EFNB2: variants seen among roughly 807,000 people sequenced by gnomAD.
The protein encoded by EFNB2 is ephrin-B2.
Under a neutral mutation model 32.1 loss-of-function variants are expected in EFNB2, and 5 were observed. That is an observed-to-expected ratio of 0.16 (90% confidence interval 0.08 to 0.33). EFNB2 has a LOEUF of 0.33. Among genes scored for constraint, EFNB2 ranks in the 10% least tolerant of loss-of-function variants. The pLI is 1.00. For missense variants in EFNB2, 263 were observed against 422.6 expected, an observed-to-expected ratio of 0.62 and a Z score of 3.31; for synonymous variants, 168 against 166.5, an observed-to-expected ratio of 1.01 and a Z score of -0.07.
intron 1 of EFNB2, among the ~76,000 whole-genome samples, chr13:106,525,141 G>A (rs887448677): frequency 2.0e-5 from 3 of 152,126 alleles, no homozygotes; most frequent in African/African-American, 7.2e-5. Context: ...TACATTAAAT[G>A]TTGACCAAAA....
Position 106,491,392 on chromosome 13 carries a change from T to A in EFNB2, c.*1648A>T, listed in dbSNP as rs1878401072. On this transcript the variant is annotated 3_prime_UTR_variant, in exon 5 of 5. Transcript: ENST00000646441. ...CAGAAGTAGCTGTCCAATTTGTTTT[T>A]TTAAGCGCTGAGCATTGGGACCACT... 1 of 152,650 alleles carries A rather than the reference T, an allele frequency of 6.6e-6. No homozygotes were observed. Among genetic ancestry groups the A allele is most frequent in the African/African-American group, 2.4e-5 (1 of 41,444 alleles). 9.5% of individuals were successfully genotyped at this position (152,650 alleles called of 1,614,324 possible).
intron 1 of EFNB2, among the ~76,000 whole-genome samples, chr13:106,527,629 T>C (rs1290950711): frequency 6.6e-6 from 1 of 152,252 alleles, no homozygotes; most frequent in African/African-American, 2.4e-5. Context: ...AATATGTTAA[T>C]AATCTAGAGC....
chr13:106,493,108 C>G lies in EFNB2; in HGVS notation c.934G>C (p.Gly312Arg). 6.2e-7 allele frequency: 1 copy of G among 1,613,950 alleles called. No homozygotes were observed. Among genetic ancestry groups the G allele is most frequent in the Non-Finnish European group, 8.5e-7 (1 of 1,180,020 alleles). The change falls in exon 5 of 5, where the codon GGG becomes CGG. Residue 312 changes from glycine (G) to arginine (R), a missense_variant. Gly to Arg is a moderately radical substitution (Grantham distance 125, BLOSUM62 -2). Around this residue, in one of 3 missense-constraint regions of EFNB2, gnomAD observed 172 missense variants for 237.1 expected, o/e 0.73. Coordinates refer to ENST00000646441, the MANE Select transcript of EFNB2 (RefSeq NM_004093.4). This position sits in a 1 kb window ranked among gnomAD's most constrained non-coding sequence, Gnocchi z 6.1. ...TCCTGGACGATGTACACCGGGTGCCCGTAGTCCCCGCTGACCTTCTCGTAG... is the reference window on the plus strand; with the variant it reads ...TCCTGGACGATGTACACCGGGTGCCGGTAGTCCCCGCTGACCTTCTCGTAG... ...PHYEKVSGDY[G>R]HPVYIVQEMP...
intron 2 of EFNB2, among the ~76,000 whole-genome samples, chr13:106,497,431 A>G (rs113461672): frequency 7.3e-5 from 11 of 151,194 alleles, no homozygotes; most frequent in African/African-American, 2.7e-4. Flanking sequence ...CAAACATTGT[A>G]GACCATTAAG....
In EFNB2 at chr13:106,535,325, A is replaced by G; in HGVS notation, c.-361T>C. 1 of 150,898 alleles carries G rather than the reference A, an allele frequency of 6.6e-6. No homozygotes were observed. The highest frequency in any genetic ancestry group is 1.5e-5 in the Non-Finnish European group (1 of 67,758). 9.3% of individuals were successfully genotyped at this position (150,898 alleles called of 1,614,324 possible). A position where few individuals can be genotyped will look rare whatever the true frequency, so the allele number is the denominator to read the frequency against. On this transcript the variant is annotated 5_prime_UTR_variant, in exon 1 of 5. Transcript: ENST00000646441. ...TGCGGGCTGGGACACAAAGACCCGGAGCGGAGACGACCGGCGCGGGCGGCG... is the reference window on the plus strand; with the variant it reads ...TGCGGGCTGGGACACAAAGACCCGGGGCGGAGACGACCGGCGCGGGCGGCG...
At chr13:106,522,234 A>G (rs2138935173) in intron 1 of EFNB2, among the ~76,000 whole-genome samples, 1 of 152,282 alleles carries the variant, frequency 6.6e-6, no homozygotes, top group East Asian at 1.9e-4. Context: ...CGCCAGCTCC[A>G]TTACTAAAAG....
At chr13:106,508,627 T>A (rs767261719) in intron 2 of EFNB2, among the ~76,000 whole-genome samples, 7 of 152,232 alleles carry the variant, frequency 4.6e-5, no homozygotes, top group Non-Finnish European at 5.9e-5. Context: ...TATGTCTTGA[T>A]ACTTGATAAG....
In EFNB2 at chr13:106,535,223, C is replaced by G. The variant is rs1021683790; in HGVS notation, c.-259G>C. ...CGGGGTTCCGGGGCGCCGCGCCGGA[C>G]GCAGCTCGGACGGCCGACTCCCGTG... On this transcript the variant is annotated 5_prime_UTR_variant, in exon 1 of 5. Transcript: ENST00000646441. 2.6e-5 allele frequency: 4 copies of G among 154,382 alleles called. No homozygotes were observed. The highest frequency in any genetic ancestry group is 9.8e-5 in the African/African-American group (4 of 40,988). The allele number at this position is 154,382 out of a possible 1,614,324, so 9.6% of individuals were successfully genotyped here. A position where few individuals can be genotyped will look rare whatever the true frequency, so the allele number is the denominator to read the frequency against.
intron 2 of EFNB2, among the ~76,000 whole-genome samples, chr13:106,509,157 C>T (rs1347772350): frequency 6.6e-6 from 1 of 152,094 alleles, no homozygotes; most frequent in Non-Finnish European, 1.5e-5. Context: ...AATTGACTTT[C>T]TCATTAAGCT....
At chr13:106,525,426 G>A (rs1879667841) in intron 1 of EFNB2, among the ~76,000 whole-genome samples, 1 of 152,222 alleles carries the variant, frequency 6.6e-6, no homozygotes, top group Non-Finnish European at 1.5e-5. Context: ...ACGTGAACAG[G>A]TAGCTGAAAT....
In EFNB2 at chr13:106,489,771, T is replaced by A. The variant is rs1204946296; in HGVS notation, c.*3269A>T. 1 of 152,626 alleles carries A rather than the reference T, an allele frequency of 6.6e-6. No individual in the cohort carries two copies. Among genetic ancestry groups the A allele is most frequent in the Non-Finnish European group, 1.5e-5 (1 of 68,034 alleles). 9.5% of individuals were successfully genotyped at this position (152,626 alleles called of 1,614,324 possible). On this transcript the variant is annotated 3_prime_UTR_variant, in exon 5 of 5. Transcript: ENST00000646441. ...TTTTCCATAGGAAAAAAATATTTTA[T>A]TTTTTTAAGAACAAATTCAGTTTGA...
intron 2 of EFNB2, among the ~76,000 whole-genome samples, chr13:106,509,502 T>C (rs898823183): frequency 2.0e-5 from 3 of 152,212 alleles, no homozygotes; most frequent in African/African-American, 7.2e-5. Context: ...TTTGAAGTGT[T>C]AAAAATATAC....
chr13:106,512,443 A>C, intron 2 of EFNB2, 86 bp downstream of exon 2: 1 of 976,100 alleles, frequency 1.0e-6, no homozygotes, highest in South Asian at 3.9e-5. Context: ...TATTTGTCAC[A>C]ATAATTTTAA....
chr13:106,493,373 G>A lies in EFNB2; in HGVS notation c.669C>T (p.Ser223=), dbSNP rs538323917. 15 of 1,614,088 alleles carry A rather than the reference G, an allele frequency of 9.3e-6. No individual in the cohort carries two copies. Among genetic ancestry groups the A allele is most frequent in the African/African-American group, 8.0e-5 (6 of 75,032 alleles). The change falls in exon 5 of 5, where the codon TCC becomes TCT. Residue 223 remains serine (S), a synonymous_variant. Coordinates refer to ENST00000646441, the MANE Select transcript of EFNB2 (RefSeq NM_004093.4). The surrounding 1 kb of genome is among the most constrained non-coding windows in gnomAD (Gnocchi z 6.1). The stretch of plus-strand genomic sequence containing the variant: ...CAATCCCTGCAAATAAGGCCACTTC[G>A]GAACCGAGGATGTTGTTCCCCGAAT... ...AGHSGNNILG[S]EVALFAGIAS...
At chr13:106,503,116 T>C (rs1878838178) in intron 2 of EFNB2, among the ~76,000 whole-genome samples, 1 of 152,180 alleles carries the variant, frequency 6.6e-6, no homozygotes, top group South Asian at 2.1e-4. Context: ...CAAACTATTG[T>C]TTGGAACAGC....
intron 2 of EFNB2, among the ~76,000 whole-genome samples, chr13:106,508,696 C>T: frequency 2.6e-5 from 4 of 152,232 alleles, no homozygotes; most frequent in Middle Eastern, 6.8e-3. Flanking sequence ...CCAATAAACC[C>T]ATCAGAAAGT....
intron 1 of EFNB2, among the ~76,000 whole-genome samples, chr13:106,522,183 T>TG (rs1392314760): frequency 6.6e-6 from 1 of 151,852 alleles, no homozygotes; most frequent in Non-Finnish European, 1.5e-5. Context: ...AGAAGGGGGG[T>TG]GATCTCACAA....
chr13:106,509,123 ATAAAT>A (rs1879052586), intron 2 of EFNB2, among the ~76,000 whole-genome samples: 1 of 152,202 alleles, frequency 6.6e-6, no homozygotes, highest in African/African-American at 2.4e-5. Flanking sequence ...TTTTAGGGAA[ATAAAT>A]TAAAGTTCAA....
intron 1 of EFNB2, among the ~76,000 whole-genome samples, chr13:106,525,178 T>C (rs897545097): frequency 2.0e-5 from 3 of 152,174 alleles, no homozygotes; most frequent in African/African-American, 7.2e-5. Flanking sequence ...TTCAGCACTA[T>C]TATGTTATTG....
Sources: allele counts gnomAD v4.1 joint callset (sites outside exome capture counted in the v4.1 genomes callset), GRCh38; gene constraint gnomAD v4.1.1; regional missense constraint gnomAD v4.1.1; non-coding constraint Gnocchi (gnomAD v3.1); transcripts MANE v1.5; gene names NCBI Gene and HGNC (gene_info 2026-07-23, HGNC 2026-07-21).